EPHA6: variants seen among roughly 807,000 people sequenced by gnomAD.
EPHA6 encodes ephrin type-A receptor 6.
Under a neutral mutation model 112.0 loss-of-function variants are expected in EPHA6, and 50 were observed. That is an observed-to-expected ratio of 0.45 (90% CI 0.36 to 0.56). The LOEUF (loss-of-function observed/expected upper bound fraction) is 0.56, where lower values mean the gene tolerates loss of function less well. Among genes scored for constraint, EPHA6 ranks in the 20% least tolerant of loss-of-function variants. The pLI is 0.00. For synonymous variants in EPHA6, 529 were observed against 490.7 expected (o/e 1.08, Z -1.03); for missense variants, 1,280 against 1,417.4 (o/e 0.90, Z 1.56).
chr3:97,334,989 A>G (rs540159776), intron 5 of EPHA6, among the ~76,000 whole-genome samples: 2 of 152,270 alleles, frequency 1.3e-5, no homozygotes, highest in South Asian at 4.1e-4. Context: ...GGAATGGTCT[A>G]TGCATGTTTA....
At chr3:97,618,085 C>A (rs2093781375) in intron 13 of EPHA6, among the ~76,000 whole-genome samples, 1 of 152,120 alleles carries the variant, frequency 6.6e-6, no homozygotes, top group South Asian at 2.1e-4. Flanking sequence ...TTCTCTCAGA[C>A]CACAGCACAA....
intron 3 of EPHA6, among the ~76,000 whole-genome samples, chr3:97,145,989 A>G (rs9862947): frequency 0.016 from 2,491 of 151,686 alleles, 74 homozygotes; most frequent in African/African-American, 0.057. Context: ...TGTATTAGCA[A>G]ATTTACCCCC....
intron 4 of EPHA6, among the ~76,000 whole-genome samples, chr3:97,226,825 T>G (rs1326273354): frequency 6.6e-6 from 1 of 152,208 alleles, no homozygotes. Flanking sequence ...TGAGGGAGAT[T>G]CCAGAGGAAA....
intron 15 of EPHA6, among the ~76,000 whole-genome samples, chr3:97,732,123 T>C (rs1294604576): frequency 6.6e-6 from 1 of 151,852 alleles, no homozygotes; most frequent in Non-Finnish European, 1.5e-5. Context: ...AAAATCTAAG[T>C]TTATATCATG....
rs186316817 is a variant in EPHA6 at position 96,856,502 on chromosome 3, C to A, written c.386-10323C>A. The stretch of plus-strand genomic sequence containing the variant: ...TCTTTCCAAAAAATTAAGACTAGGC[C>A]TTCTAAAATTTAGCCAATAAAGGAT... On this transcript the variant is annotated intron_variant, in intron 1 of 17. Transcript: ENST00000389672. Among the ~76,000 whole-genome samples, 64 of 152,152 alleles carry A rather than the reference C, an allele frequency of 4.2e-4. No individual in the cohort carries two copies. In the East Asian group the frequency reaches 0.012, roughly 28 times the overall value.
chr3:97,181,450 C>T (rs2076986461), intron 3 of EPHA6, among the ~76,000 whole-genome samples: 1 of 152,000 alleles, frequency 6.6e-6, no homozygotes, highest in African/African-American at 2.4e-5. Flanking sequence ...TCTTTCTCTG[C>T]CCTCCTCCCT....
intron 2 of EPHA6, among the ~76,000 whole-genome samples, chr3:96,951,322 T>G (rs983916809): frequency 2.0e-5 from 3 of 152,136 alleles, no homozygotes; most frequent in African/African-American, 7.2e-5. Flanking sequence ...AAGTTTTTTA[T>G]TTTTGTATTG....
intron 1 of EPHA6, among the ~76,000 whole-genome samples, chr3:96,827,352 A>G (rs765266410): frequency 6.6e-6 from 1 of 152,072 alleles, no homozygotes; most frequent in Non-Finnish European, 1.5e-5. Flanking sequence ...AACATTGAAT[A>G]TTTTTGGAGG....
intron 2 of EPHA6, 96 bp from the exon 3 acceptor site, chr3:96,987,234 T>C (rs1197036434): frequency 1.9e-6 from 2 of 1,068,724 alleles, no homozygotes; most frequent in Non-Finnish European, 2.7e-6. Context: ...TTTTAATTCA[T>C]TTTTATTTTG....
At chr3:97,567,662 G>A (rs1410597136) in intron 11 of EPHA6, among the ~76,000 whole-genome samples, 1 of 152,162 alleles carries the variant, frequency 6.6e-6, no homozygotes, top group African/African-American at 2.4e-5. Context: ...GAGAAACACA[G>A]GGTAGAGATC....
chr3:97,169,248 C>G (rs912849544), intron 3 of EPHA6, among the ~76,000 whole-genome samples: 1 of 152,132 alleles, frequency 6.6e-6, no homozygotes, highest in African/African-American at 2.4e-5. Context: ...CATTTTTAAG[C>G]AATCAAATCA....
At chr3:97,135,741 A>T (rs2075752004) in intron 3 of EPHA6, among the ~76,000 whole-genome samples, 2 of 131,256 alleles carry the variant, frequency 1.5e-5, no homozygotes, top group Admixed American at 1.6e-4. Flanking sequence ...TGGCAAGATT[A>T]AAAAAAAAAA....
intron 2 of EPHA6, among the ~76,000 whole-genome samples, chr3:96,907,884 T>C (rs1049383159): frequency 6.6e-6 from 1 of 151,964 alleles, no homozygotes; most frequent in Non-Finnish European, 1.5e-5. Flanking sequence ...ATGTTTATAA[T>C]AAACATTCAT....
At chr3:97,561,254 C>G (rs1233855351) in intron 11 of EPHA6, among the ~76,000 whole-genome samples, 1 of 152,042 alleles carries the variant, frequency 6.6e-6, no homozygotes, top group Non-Finnish European at 1.5e-5. Flanking sequence ...GCTCATAAAA[C>G]TCAGTGAGGA....
rs1014648245 is a variant in EPHA6, at chr3:97,644,537, A to G, written c.2784+6455A>G. 5.3e-5 allele frequency among the ~76,000 whole-genome samples: 8 copies of G among 152,256 alleles called. No individual in the cohort carries two copies. The East Asian group carries it at 7.7e-4, about 15-fold the overall frequency. ...AAAGGATCAACAAAATTGATAGACCACTAGCAAGACTAATAAAGATAAAAG... is the reference window on the plus strand; with the variant it reads ...AAAGGATCAACAAAATTGATAGACCGCTAGCAAGACTAATAAAGATAAAAG... On this transcript the variant is annotated intron_variant, in intron 14 of 17. Transcript: ENST00000389672.
intron 5 of EPHA6, among the ~76,000 whole-genome samples, chr3:97,387,769 C>T (rs2086154895): frequency 6.6e-6 from 1 of 152,164 alleles, no homozygotes; most frequent in Non-Finnish European, 1.5e-5. Flanking sequence ...TACCAATTTT[C>T]TGTATTAATC....
chr3:97,509,295 ATTTGGCATGTT>A (rs2092321032), intron 10 of EPHA6, among the ~76,000 whole-genome samples: 1 of 151,840 alleles, frequency 6.6e-6, no homozygotes, highest in South Asian at 2.1e-4. Context: ...GGTCTTTACA[ATTTGGCATGTT>A]TTTGCAGTGG....
intron 5 of EPHA6, among the ~76,000 whole-genome samples, chr3:97,384,124 T>A (rs113389657): frequency 0.021 from 3,194 of 152,328 alleles, 104 homozygotes; most frequent in African/African-American, 0.072. Context: ...ACTATTATAA[T>A]GTTTATTCAA....
At chr3:97,151,442 G>C (rs1262858870) in intron 3 of EPHA6, among the ~76,000 whole-genome samples, 1 of 152,016 alleles carries the variant, frequency 6.6e-6, no homozygotes, top group Non-Finnish European at 1.5e-5. Context: ...AATAAAACTA[G>C]AATAAGACAG....
Sources: gnomAD v4.1 joint callset for allele counts (sites outside exome capture counted in the v4.1 genomes callset) on GRCh38, gnomAD v4.1.1 for gene constraint, MANE v1.5 for transcripts, NCBI Gene and HGNC (gene_info 2026-07-23, HGNC 2026-07-21) for gene names.